Variants in APTX observed in about 807,000 individuals in gnomAD.
APTX encodes the protein forkhead-associated domain histidine triad-like protein.
A neutral mutation model predicts 42.3 loss-of-function variants in APTX; 33 were observed. That is an observed-to-expected ratio of 0.78 (90% confidence interval 0.59 to 1.04). The LOEUF (loss-of-function observed/expected upper bound fraction) is 1.04, where lower values mean the gene tolerates loss of function less well. Among genes scored for constraint, APTX ranks in the 50% least tolerant of loss-of-function variants. The pLI is 0.00. For missense variants in APTX, 421 were observed against 415.1 expected (o/e 1.01, Z -0.12); for synonymous variants, 130 against 146.7 (o/e 0.89, Z 0.82).
At chr9:33,003,524 T>C (rs530763892), upstream of APTX, among the ~76,000 whole-genome samples, 1 of 152,038 alleles carries the variant, frequency 6.6e-6, no homozygotes, top group Non-Finnish European at 1.5e-5. Context: ...CCCAGCTACT[T>C]GGGAGGCTGA....
At position 33,016,517 on chromosome 9, in the gene APTX, A is replaced by G. The variant is rs1587663003; in HGVS notation, c.-5+8506T>C. The stretch of plus-strand genomic sequence containing the variant: ...CAACCATCTTCCTTTAGGTTTAAAA[A>G]AATAAAGGAAAGAAAAAGTAAACTG... On this transcript the variant is annotated intron_variant, in intron 1 of 6. Transcript: ENST00000436040. Among the ~76,000 whole-genome samples, 5 of 152,336 alleles carry G rather than the reference A, an allele frequency of 3.3e-5. No homozygotes were observed. The South Asian group carries it at 1.0e-3, about 32-fold the overall frequency.
intron 1 of APTX, 114 bp downstream of exon 1, chr9:33,001,453 T>C (rs1462772335): frequency 6.3e-7 from 1 of 1,579,084 alleles, no homozygotes; most frequent in Non-Finnish European, 8.6e-7. Context: ...GAGCAGCGCA[T>C]GAAAGCAGCG....
At chr9:32,987,455 A>T in intron 4 of APTX, 89 bp downstream of exon 4, 2 of 1,541,362 alleles carry the variant, frequency 1.3e-6, no homozygotes, top group Non-Finnish European at 1.8e-6. Context: ...CCCCTCACGC[A>T]TTTCTGAACT....
At chr9:33,016,669 T>TCCC (rs60192650) in intron 1 of APTX, among the ~76,000 whole-genome samples, 4 of 147,646 alleles carry the variant, frequency 2.7e-5, no homozygotes, top group South Asian at 2.2e-4. Flanking sequence ...TGCATTACAC[T>TCCC]CCCCCCCCCA....
chr9:32,978,463 A>G (rs1829962493), intron 6 of APTX, among the ~76,000 whole-genome samples: 1 of 152,172 alleles, frequency 6.6e-6, no homozygotes, highest in Non-Finnish European at 1.5e-5. Flanking sequence ...TATAGTTTCT[A>G]TGGCTTGCTT....
At chr9:33,002,295 A>G (rs2119162425), upstream of APTX, among the ~76,000 whole-genome samples, 1 of 152,266 alleles carries the variant, frequency 6.6e-6, no homozygotes, top group Admixed American at 6.5e-5. Flanking sequence ...AGTACAACAC[A>G]CTGGCAAAAA....
intron 1 of APTX, among the ~76,000 whole-genome samples, chr9:33,018,704 C>A (rs1036193612): frequency 4.0e-5 from 6 of 151,494 alleles, no homozygotes; most frequent in Non-Finnish European, 8.8e-5. Flanking sequence ...ATAGTGAAAC[C>A]CCATCTCTAC....
upstream of APTX, among the ~76,000 whole-genome samples, chr9:33,005,755 A>G (rs546559222): frequency 6.6e-6 from 1 of 152,300 alleles, no homozygotes; most frequent in East Asian, 1.9e-4. Flanking sequence ...TTTCTGTACT[A>G]TGTAAGGTAA....
chr9:33,000,775 T>C (rs1482415411), intron 1 of APTX, among the ~76,000 whole-genome samples: 2 of 149,704 alleles, frequency 1.3e-5, no homozygotes, highest in Admixed American at 6.6e-5. Flanking sequence ...CAATTCCAAA[T>C]AGAAATTTTA....
intron 6 of APTX, among the ~76,000 whole-genome samples, chr9:32,983,297 A>G (rs889073572): frequency 5.9e-5 from 9 of 152,230 alleles, no homozygotes; most frequent in African/African-American, 2.2e-4. Context: ...TTCCATTTAT[A>G]CATGGTAGCT....
At chr9:33,011,136 C>G (rs181055340) in intron 1 of APTX, among the ~76,000 whole-genome samples, 1 of 150,226 alleles carries the variant, frequency 6.7e-6, no homozygotes, top group Admixed American at 6.6e-5. Context: ...GAGTGAGACT[C>G]CGTCTCAAAA....
At chr9:32,999,945 G>A (rs1378500968) in intron 1 of APTX, among the ~76,000 whole-genome samples, 2 of 152,158 alleles carry the variant, frequency 1.3e-5, no homozygotes, top group African/African-American at 4.8e-5. Context: ...GGGCGACAGA[G>A]ACTCCGTCTC....
rs749918475 is a variant in APTX, at chr9:32,987,845, A to G, written c.182T>C (p.Val61Ala). Residue 61 changes from valine to alanine, a missense_variant and splice_region_variant, in exon 4 of 8, where the codon GTA becomes GCA. By Grantham distance (64) the Val-to-Ala change is moderately conservative. Coordinates refer to ENST00000379817, the MANE Select transcript of APTX (RefSeq NM_001195248.2). ...CNKGYVKVKQ[V>A]GVNPTSIDSV... is the part of the protein sequence containing the mutation. ...GTCAATGCTGGTGGGATTGACTCCT[A>G]CCTATGGAATAAACAATCAGAAAAT... 1.7e-5 allele frequency: 27 copies of G among 1,613,038 alleles called. 1 individual carries two copies. Among genetic ancestry groups the G allele is most frequent in the Non-Finnish European group, 2.0e-5 (24 of 1,180,008 alleles).
chr9:32,986,780 C>T (rs968895557), intron 4 of APTX, among the ~76,000 whole-genome samples: 1 of 151,778 alleles, frequency 6.6e-6, no homozygotes, highest in Admixed American at 6.6e-5. Context: ...GGATTACAGG[C>T]GTGAGCCAGC....
intron 1 of APTX, 74 bp downstream of exon 1, chr9:33,001,493 A>G (rs1212132414): frequency 6.2e-7 from 1 of 1,608,290 alleles, no homozygotes; most frequent in Non-Finnish European, 8.5e-7. Context: ...CAAGGGTAGG[A>G]GCAGCCTCGG....
chr9:33,016,935 TATTGAGTACCAACTCTGTACCAG>T (rs1477990188), intron 1 of APTX, among the ~76,000 whole-genome samples: 3 of 152,238 alleles, frequency 2.0e-5, no homozygotes, highest in Non-Finnish European at 2.9e-5. Context: ...ATTCATAATT[TATTGAGTACCAACTCTGTACCAG>T]GCAGTGTTCT....
Position 33,015,559 on chromosome 9 carries a change from A to C in APTX, c.-5+9464T>G, listed in dbSNP as rs575555686. Reference sequence around the variant, plus strand: ...TTTTTAGTAGAGACAGGGTTTCACCATGTTGGCCAGGCTGGCCTTGAACTC... The same window carrying C: ...TTTTTAGTAGAGACAGGGTTTCACCCTGTTGGCCAGGCTGGCCTTGAACTC... On this transcript the variant is annotated intron_variant, in intron 1 of 6. Transcript: ENST00000436040. 1.8e-4 allele frequency among the ~76,000 whole-genome samples: 28 copies of C among 152,182 alleles called. 1 individual carries two copies. Among genetic ancestry groups the C allele is most frequent in the African/African-American group, 6.7e-4 (28 of 41,532 alleles).
intron 1 of APTX, among the ~76,000 whole-genome samples, chr9:33,024,118 T>C (rs1022400409): frequency 3.3e-5 from 5 of 152,388 alleles, no homozygotes. Context: ...TGGCAGTCTG[T>C]TGACTTGTTT....
intron 1 of APTX, among the ~76,000 whole-genome samples, chr9:33,020,772 C>T (rs564897777): frequency 6.6e-6 from 1 of 152,372 alleles, no homozygotes; most frequent in Non-Finnish European, 1.5e-5. Flanking sequence ...GCCCTTATTA[C>T]TTTGCTCCTG....
Sources: allele counts gnomAD v4.1 joint callset (sites outside exome capture counted in the v4.1 genomes callset), GRCh38; gene constraint gnomAD v4.1.1; transcripts MANE v1.5; gene names NCBI Gene and HGNC (gene_info 2026-07-23, HGNC 2026-07-21).